SAMMSON: variants seen among roughly 807,000 people sequenced by gnomAD.
The protein encoded by SAMMSON is survival associated mitochondrial melanoma specific oncogenic non-coding RNA.
intron 7 of SAMMSON, among the ~76,000 whole-genome samples, chr3:70,350,766 A>C (rs1702788652): frequency 6.6e-6 from 1 of 152,186 alleles, no homozygotes; most frequent in Admixed American, 6.5e-5. Flanking sequence ...TGCTATGAAG[A>C]AAATAATTTA....
intron 4 of SAMMSON, among the ~76,000 whole-genome samples, chr3:70,241,849 G>A (rs1384994368): frequency 2.6e-5 from 4 of 152,186 alleles, no homozygotes; most frequent in East Asian, 1.9e-4. Context: ...ATTTGCTCAA[G>A]CTCACACAGT....
chr3:70,082,513 A>T (rs1422826934), intron 4 of SAMMSON, among the ~76,000 whole-genome samples: 1 of 152,198 alleles, frequency 6.6e-6, no homozygotes, highest in Non-Finnish European at 1.5e-5. Flanking sequence ...GTAAATTCTC[A>T]GCCTTTTTTC....
intron 4 of SAMMSON, among the ~76,000 whole-genome samples, chr3:70,224,780 A>G (rs1040048975): frequency 2.0e-5 from 3 of 152,048 alleles, no homozygotes; most frequent in Non-Finnish European, 4.4e-5. Context: ...TTTGCGCTCT[A>G]TTAAAACATT....
At chr3:70,241,467 T>G (rs1236026448) in intron 4 of SAMMSON, among the ~76,000 whole-genome samples, 2 of 152,192 alleles carry the variant, frequency 1.3e-5, no homozygotes, top group African/African-American at 4.8e-5. Context: ...AAAGAATTAT[T>G]AGGGCTAAAA....
chr3:70,148,785 C>A (rs2067559533), intron 4 of SAMMSON, among the ~76,000 whole-genome samples: 1 of 152,132 alleles, frequency 6.6e-6, no homozygotes, highest in Non-Finnish European at 1.5e-5. Context: ...GACCCAAACA[C>A]CTCCTACTAA....
chr3:70,268,051 C>T (rs73102617), intron 6 of SAMMSON, among the ~76,000 whole-genome samples: 9,207 of 151,414 alleles, frequency 0.061, 343 homozygotes, highest in South Asian at 0.12. Context: ...CCTCCTCCTC[C>T]TTCTTCTCCA....
intron 7 of SAMMSON, among the ~76,000 whole-genome samples, chr3:70,348,783 C>T (rs1348681527): frequency 6.6e-6 from 1 of 152,126 alleles, no homozygotes; most frequent in African/African-American, 2.4e-5. Flanking sequence ...GAGGACTTTG[C>T]AGGCTGTTAA....
chr3:70,239,137 C>G (rs149222156), intron 4 of SAMMSON, among the ~76,000 whole-genome samples: 37 of 152,230 alleles, frequency 2.4e-4, no homozygotes, highest in African/African-American at 8.9e-4. Context: ...TTCATCAGTT[C>G]TATTCAATTT....
intron 4 of SAMMSON, among the ~76,000 whole-genome samples, chr3:70,157,265 C>T (rs896644826): frequency 6.6e-6 from 1 of 152,040 alleles, no homozygotes; most frequent in Non-Finnish European, 1.5e-5. Context: ...AAATCACCTG[C>T]CACTCTGGCT....
chr3:70,292,791 G>T (rs970041279), intron 7 of SAMMSON, among the ~76,000 whole-genome samples: 5 of 151,820 alleles, frequency 3.3e-5, no homozygotes, highest in African/African-American at 1.2e-4. Flanking sequence ...TCTTTTCGTG[G>T]TTACACAATG....
chr3:70,274,090 T>TGC (rs1187285721), intron 6 of SAMMSON, among the ~76,000 whole-genome samples: 1 of 144,972 alleles, frequency 6.9e-6, no homozygotes, highest in Non-Finnish European at 1.5e-5. Context: ...TGTGTGTGTG[T>TGC]GCGCGCGCGC....
chr3:70,398,784 A>T (rs1355939967), intron 2 of SAMMSON, among the ~76,000 whole-genome samples: 1 of 152,226 alleles, frequency 6.6e-6, no homozygotes. Context: ...AGAAACACAT[A>T]AATATAGATT....
intron 4 of SAMMSON, among the ~76,000 whole-genome samples, chr3:70,122,644 T>C (rs1228328154): frequency 6.6e-6 from 1 of 152,264 alleles, no homozygotes; most frequent in East Asian, 1.9e-4. Context: ...AAAAACATGT[T>C]TTTTATTCAA....
intron 9 of SAMMSON, among the ~76,000 whole-genome samples, chr3:70,383,668 G>A (rs4974266): frequency 0.8 from 120,878 of 151,848 alleles, 48,598 homozygotes; most frequent in East Asian, 0.96. Context: ...TGGCAGAGAG[G>A]GGATGATTGG....
chr3:70,258,010 A>T (rs1183788970), intron 6 of SAMMSON, among the ~76,000 whole-genome samples: 1 of 152,212 alleles, frequency 6.6e-6, no homozygotes, highest in East Asian at 1.9e-4. Flanking sequence ...CAAAGATGTC[A>T]AGGTAATTAA....
At chr3:70,364,596 G>C (rs1019385693) in intron 9 of SAMMSON, among the ~76,000 whole-genome samples, 4 of 151,770 alleles carry the variant, frequency 2.6e-5, no homozygotes, top group Admixed American at 1.3e-4. Context: ...GTGTAAGCTG[G>C]TTCTGGCTAG....
At chr3:70,017,763 T>C (rs1173678959) in intron 3 of SAMMSON, among the ~76,000 whole-genome samples, 1 of 152,218 alleles carries the variant, frequency 6.6e-6, no homozygotes, top group African/African-American at 2.4e-5. Context: ...ATCCCATCAA[T>C]ACCTAATTTA....
intron 6 of SAMMSON, among the ~76,000 whole-genome samples, chr3:70,273,612 A>T (rs1362691209): frequency 6.6e-6 from 1 of 152,200 alleles, no homozygotes; most frequent in Non-Finnish European, 1.5e-5. Flanking sequence ...TTTGGTTTAT[A>T]AGAGCATTTT....
chr3:70,046,910 T>G (rs771714965), intron 3 of SAMMSON, among the ~76,000 whole-genome samples: 1 of 152,120 alleles, frequency 6.6e-6, no homozygotes, highest in African/African-American at 2.4e-5. Flanking sequence ...TCTCTCCCTC[T>G]GACATCATCA....
Sources: gnomAD v4.1 joint callset for allele counts (sites outside exome capture counted in the v4.1 genomes callset) on GRCh38, gnomAD v4.1.1 for gene constraint, MANE v1.5 for transcripts, NCBI Gene and HGNC (gene_info 2026-07-23, HGNC 2026-07-21) for gene names.